RUSF1: variants seen among roughly 807,000 people sequenced by gnomAD.
The protein encoded by RUSF1 is RUS1 family protein C16orf58.
RUSF1 carries 58 observed loss-of-function variants against 63.0 expected under a neutral mutation model. That is an observed-to-expected ratio of 0.92 (90% confidence interval 0.75 to 1.15). The LOEUF is 1.15. RUSF1 is among the 50% of genes most tolerant of loss of function. The pLI is 0.00. For synonymous variants in RUSF1, 274 were observed against 255.8 expected (o/e 1.07, Z -0.68); for missense variants, 652 against 611.0 (o/e 1.07, Z -0.71).
Position 31,489,731 on chromosome 16 carries a change from T to TG in RUSF1, c.*1103dup. On this transcript the variant is annotated 3_prime_UTR_variant, in exon 13 of 13. Transcript: ENST00000327237. The stretch of plus-strand genomic sequence containing the variant: ...TGGGGTGAGGACAGGACAAGAGATC[T>TG]GGGTGTGGAAGGATGGCCGGGTTTC... The TG allele has an allele frequency of 2.2e-6, 1 of 445,148 alleles. No individual in the cohort carries two copies. The highest frequency in any genetic ancestry group is 4.2e-6 in the Non-Finnish European group (1 of 239,246). The allele number at this position is 445,148 out of a possible 1,614,324, so 27.6% of individuals were successfully genotyped here.
chr16:31,494,569 G>A lies in RUSF1; in HGVS notation c.703-633C>T, dbSNP rs184412621. Among the ~76,000 whole-genome samples the A allele has an allele frequency of 7.9e-5, 12 of 152,082 alleles. No homozygotes were observed. The East Asian group carries it at 2.1e-3, about 27-fold the overall frequency. ...GATTGCACCACTGTACTCCAGCCTG[G>A]GAGACACAGTGATACCCTGTCTAAA... On this transcript the variant is annotated intron_variant, in intron 6 of 12. Transcript: ENST00000327237.
chr16:31,496,974 G>A (rs1196304067), intron 5 of RUSF1, 24 bp from the exon 6 acceptor site: 6 of 1,564,766 alleles, frequency 3.8e-6, no homozygotes, highest in Non-Finnish European at 5.2e-6. Context: ...GAAGAGAGAA[G>A]GTTGGCAGAG....
At chr16:31,496,394 G>A (rs2082602668) in intron 6 of RUSF1, among the ~76,000 whole-genome samples, 1 of 152,172 alleles carries the variant, frequency 6.6e-6, no homozygotes, top group Non-Finnish European at 1.5e-5. Context: ...GTTTGTAGAG[G>A]TCTAATCCAT....
chr16:31,499,968 T>C (rs2082624321), intron 3 of RUSF1, among the ~76,000 whole-genome samples: 1 of 152,108 alleles, frequency 6.6e-6, no homozygotes, highest in South Asian at 2.1e-4. Context: ...GGGGATATGA[T>C]TTCCCTGGAT....
chr16:31,496,487 A>G (rs2082603309), intron 6 of RUSF1, among the ~76,000 whole-genome samples: 1 of 152,186 alleles, frequency 6.6e-6, no homozygotes, highest in Non-Finnish European at 1.5e-5. Context: ...CAGGCCTGCT[A>G]AACTGCTGAG....
chr16:31,489,752 G>A lies in RUSF1; in HGVS notation c.*1083C>T, dbSNP rs777954187. ...GATCTGGGTGTGGAAGGATGGCCGG[G>A]TTTCTGCAGCAGCAGGAGGAAAGGG... is the stretch of plus-strand genomic sequence containing the variant. On this transcript the variant is annotated 3_prime_UTR_variant, in exon 13 of 13. Coordinates refer to ENST00000327237, the MANE Select transcript of RUSF1 (RefSeq NM_022744.4). The A allele has an allele frequency of 2.2e-6, 1 of 445,424 alleles. No homozygotes were observed. The highest frequency in any genetic ancestry group is 2.0e-5 in the African/African-American group (1 of 50,146). 27.6% of individuals were successfully genotyped at this position (445,424 alleles called of 1,614,324 possible).
At chr16:31,493,400 G>A in intron 9 of RUSF1, 67 bp downstream of exon 9, 1 of 1,526,910 alleles carries the variant, frequency 6.5e-7, no homozygotes, top group Non-Finnish European at 8.9e-7. Context: ...AGGGAGGCCA[G>A]TGTGTAATCG....
intron 2 of RUSF1, among the ~76,000 whole-genome samples, chr16:31,507,130 T>C (rs770475599): frequency 6.6e-6 from 1 of 152,200 alleles, no homozygotes; most frequent in Non-Finnish European, 1.5e-5. Flanking sequence ...CTGCGAGCAG[T>C]AGTGAAAGAC....
chr16:31,498,561 G>A (rs1055881590), intron 5 of RUSF1, among the ~76,000 whole-genome samples: 1 of 152,182 alleles, frequency 6.6e-6, no homozygotes, highest in African/African-American at 2.4e-5. Flanking sequence ...AACTCTGACA[G>A]GATATGCTCT....
At position 31,489,513 on chromosome 16, in the gene RUSF1, A is replaced by C. The variant is rs2082540317; in HGVS notation, c.*1322T>G. ...ATTTTTATTTAAATACATTTATTTG[A>C]ACCGGCCTGGGGGAGGCTTGATGTT... On this transcript the variant is annotated 3_prime_UTR_variant, in exon 13 of 13. Transcript: ENST00000327237. 1.5e-6 allele frequency: 1 copy of C among 665,340 alleles called. No individual in the cohort carries two copies. The allele number at this position is 665,340 out of a possible 1,614,324, so 41.2% of individuals were successfully genotyped here.
At chr16:31,493,244 C>T (rs1395237779) in intron 9 of RUSF1, 196 bp from the exon 10 acceptor site, 2 of 852,750 alleles carry the variant, frequency 2.3e-6, no homozygotes, top group Admixed American at 4.0e-5. Context: ...CCAACTTCCC[C>T]ATCTACCCAT....
rs868796674 is a variant in RUSF1 at position 31,508,234 on chromosome 16, G to T, written c.140C>A (p.Ala47Asp). ...GGWRWWGLSR[A>D]FTVKPEGRDA... ...TCGTCCTTCAGGTTTGACCGTGAAG[G>T]CCCTGGAGAGCCCCCACCAGCGCCA... The change falls in exon 1 of 13, where the codon GCC (alanine) becomes GAC (aspartate). Residue 47 changes from alanine (A) to aspartate (D), a missense_variant. Ala to Asp is a moderately radical substitution (Grantham distance 126). Transcript: ENST00000327237. The T allele has an allele frequency of 3.8e-6, 6 of 1,563,076 alleles. No homozygotes were observed. The highest frequency in any genetic ancestry group is 5.2e-6 in the Non-Finnish European group (6 of 1,154,100).
At chr16:31,506,758 C>A (rs2082661019) in intron 2 of RUSF1, among the ~76,000 whole-genome samples, 1 of 152,092 alleles carries the variant, frequency 6.6e-6, no homozygotes, top group Non-Finnish European at 1.5e-5. Flanking sequence ...ACTCCTGCAT[C>A]CCAGCCTGGG....
intron 12 of RUSF1, 118 bp downstream of exon 12, chr16:31,491,891 A>T: frequency 1.8e-6 from 2 of 1,100,464 alleles, no homozygotes; most frequent in Non-Finnish European, 2.7e-6. Flanking sequence ...GAGCCTCTGC[A>T]CCAGGCCCAA....
At chr16:31,500,358 T>C (rs2082626468) in intron 3 of RUSF1, among the ~76,000 whole-genome samples, 1 of 152,184 alleles carries the variant, frequency 6.6e-6, no homozygotes, top group African/African-American at 2.4e-5. Context: ...AAATCCCATC[T>C]CGCTAGTTAT....
chr16:31,508,077 C>G lies in RUSF1; in HGVS notation c.297G>C (p.Val99=), dbSNP rs778416339. 3 of 1,602,176 alleles carry G rather than the reference C, an allele frequency of 1.9e-6. No homozygotes were observed. The highest frequency in any genetic ancestry group is 2.6e-6 in the Non-Finnish European group (3 of 1,175,028). Residue 99 remains valine, a synonymous_variant, in exon 1 of 13, where the codon GTG becomes GTC. Transcript: ENST00000327237. ...TGCCCCAGACGACCGAGCTGACCTG[C>G]ACGGAATCCCACAGCTGGTAGGGCA... ...DYLPYQLWDS[V]QAFASSLSGS... is the part of the protein sequence containing the mutation.
Position 31,493,801 on chromosome 16 carries a change from G to C in RUSF1, c.774-14C>G. ...CCAAGGCTGAAGCTGGGGTGAGAGA[G>C]TGAGGTAGCTGAAGTGGGCAGAGGC... is the stretch of plus-strand genomic sequence containing the variant. On this transcript the variant is annotated splice_polypyrimidine_tract_variant and intron_variant, in intron 7 of 12. Transcript: ENST00000327237. 6.2e-7 allele frequency: 1 copy of C among 1,614,218 alleles called. No individual in the cohort carries two copies. The highest frequency in any genetic ancestry group is 8.5e-7 in the Non-Finnish European group (1 of 1,180,026).
In RUSF1 at chr16:31,508,290, C is replaced by G; in HGVS notation, c.84G>C (p.Ala28=). ...CGACCTCCCACTGCAGGCTCCCGTC[C>G]GCGGCGGCGCGGCAGCCCCGTGCCT... is the stretch of plus-strand genomic sequence containing the variant. ...SGEARGCRAA[A]DGSLQWEVGG... is the part of the protein sequence containing the mutation. The change falls in exon 1 of 13, where the codon GCG becomes GCC. Residue 28 remains alanine (A), a synonymous_variant. Transcript: ENST00000327237. 1 of 1,574,542 alleles carries G rather than the reference C, an allele frequency of 6.4e-7. No homozygotes were observed. The highest frequency in any genetic ancestry group is 8.6e-7 in the Non-Finnish European group (1 of 1,161,884).
chr16:31,492,141 T>C (rs2082573463), intron 11 of RUSF1, 55 bp from the exon 12 acceptor site: 1 of 1,613,026 alleles, frequency 6.2e-7, no homozygotes, highest in Non-Finnish European at 8.5e-7. Context: ...GGACAGAGTT[T>C]GTCCTCTCTC....
Sources: allele counts gnomAD v4.1 joint callset (sites outside exome capture counted in the v4.1 genomes callset), GRCh38; gene constraint gnomAD v4.1.1; transcripts MANE v1.5; gene names NCBI Gene and HGNC (gene_info 2026-07-23, HGNC 2026-07-21).